TMEM245: variants seen among roughly 807,000 people sequenced by gnomAD.
TMEM245 encodes the protein protein CG-2.
TMEM245 carries 69 observed loss-of-function variants against 101.2 expected under a neutral mutation model. The ratio of observed to expected loss-of-function variants is 0.68; its 90% CI spans 0.56 to 0.83. TMEM245 has a LOEUF of 0.83. TMEM245 is among the 40% of genes least tolerant of loss of function. The pLI is 0.00. For missense variants in TMEM245, 1,075 were observed against 1,092.8 expected (o/e 0.98, Z 0.23); for synonymous variants, 537 against 449.8 (o/e 1.19, Z -2.45).
At chr9:109,065,240 G>A (rs933395401) in intron 9 of TMEM245, among the ~76,000 whole-genome samples, 2 of 152,208 alleles carry the variant, frequency 1.3e-5, no homozygotes, top group African/African-American at 4.8e-5. Flanking sequence ...ATCTGGGACA[G>A]GGTTCTCAAA....
At chr9:109,027,212 A>G (rs1263497973) in intron 17 of TMEM245, among the ~76,000 whole-genome samples, 1 of 152,116 alleles carries the variant, frequency 6.6e-6, no homozygotes, top group Non-Finnish European at 1.5e-5. Context: ...AGATGGGGGT[A>G]AACACAGGAC....
Position 109,038,048 on chromosome 9 carries a change from CAT to C in TMEM245, c.2191_2192del (p.Met731ValfsTer34). The C allele has an allele frequency of 6.2e-7, 1 of 1,612,710 alleles. No homozygotes were observed. Reference protein sequence around the residue: ...YGLYTWLTHTMFGINIVFIPS... With the variant: ...YGLYTWLTHTXFGINIVFIPS... ...GTATGAAGACAATATTGATGCCAAA[CAT>C]AGTATGAGTCAGCCAGGTATACAAT... On this transcript the variant is annotated frameshift_variant, in exon 15 of 18. Coordinates refer to ENST00000374586, the MANE Select transcript of TMEM245 (RefSeq NM_032012.4). LOFTEE classifies it high-confidence loss of function.
chr9:109,096,722 T>C (rs1830150455), intron 3 of TMEM245, among the ~76,000 whole-genome samples: 1 of 152,188 alleles, frequency 6.6e-6, no homozygotes, highest in Non-Finnish European at 1.5e-5. Flanking sequence ...GAATTCTCTC[T>C]TACATAAGAT....
chr9:109,062,128 C>T (rs1377351236), intron 10 of TMEM245, among the ~76,000 whole-genome samples: 1 of 152,104 alleles, frequency 6.6e-6, no homozygotes, highest in Admixed American at 6.6e-5. Context: ...CCTAAGACAG[C>T]CAAGTAGCTG....
chr9:109,055,623 C>A (rs557427938), intron 12 of TMEM245, among the ~76,000 whole-genome samples: 2 of 150,148 alleles, frequency 1.3e-5, no homozygotes, highest in Non-Finnish European at 1.5e-5. Context: ...ATTTCAATCA[C>A]GGTTTCTTTT....
At chr9:109,108,388 ACAGT>A (rs1466585366) in intron 2 of TMEM245, 61 bp downstream of exon 2, 7 of 819,054 alleles carry the variant, frequency 8.5e-6, no homozygotes, top group East Asian at 5.7e-5. Flanking sequence ...TTTCATTCAC[ACAGT>A]CAGCCTCTGC....
In TMEM245 at chr9:109,117,679, G is replaced by A. The variant is rs114118221; in HGVS notation, c.579+1656C>T. ...CTCATAATCATGCCAAATTACTTAG[G>A]TATTCAACTTCTTACTCTAGCATGA... On this transcript the variant is annotated intron_variant, in intron 1 of 17. Coordinates refer to ENST00000374586, the MANE Select transcript of TMEM245 (RefSeq NM_032012.4). Among the ~76,000 whole-genome samples, 607 of 152,276 alleles carry A rather than the reference G, an allele frequency of 4.0e-3. 7 individuals are homozygous for A. The highest frequency in any genetic ancestry group is 0.014 in the African/African-American group (576 of 41,550).
chr9:109,102,192 A>G (rs1478381971), intron 3 of TMEM245, among the ~76,000 whole-genome samples: 1 of 152,236 alleles, frequency 6.6e-6, no homozygotes, highest in Non-Finnish European at 1.5e-5. Context: ...ATAACCACAG[A>G]GTCTAACAGA....
intron 1 of TMEM245, among the ~76,000 whole-genome samples, chr9:109,114,569 C>CT (rs750362217): frequency 2.0e-5 from 3 of 152,184 alleles, no homozygotes; most frequent in Non-Finnish European, 2.9e-5. Context: ...GTGTTTTTAT[C>CT]TTTCAGCCAC....
At chr9:109,091,833 T>C (rs930807954) in intron 4 of TMEM245, among the ~76,000 whole-genome samples, 4 of 152,286 alleles carry the variant, frequency 2.6e-5, no homozygotes, top group Non-Finnish European at 5.9e-5. Context: ...AGATATACCA[T>C]ACACATCAGA....
At chr9:109,066,625 C>T (rs1348808834) in intron 9 of TMEM245, among the ~76,000 whole-genome samples, 1 of 151,922 alleles carries the variant, frequency 6.6e-6, no homozygotes, top group Non-Finnish European at 1.5e-5. Context: ...CTCTTTTATA[C>T]ATTCATCAGT....
Position 109,101,801 on chromosome 9 carries a change from G to A in TMEM245, c.799+4707C>T, listed in dbSNP as rs1308327342. Among the ~76,000 whole-genome samples, 7 of 152,284 alleles carry A rather than the reference G, an allele frequency of 4.6e-5. 1 individual carries two copies. The highest frequency in any genetic ancestry group is 4.6e-4 in the Admixed American group (7 of 15,292). Reference sequence around the variant, plus strand: ...CATCACTACTCTAAGTTTATGGCTAGTATTCATAATCGACCATGGTCTTCT... The same window carrying A: ...CATCACTACTCTAAGTTTATGGCTAATATTCATAATCGACCATGGTCTTCT... On this transcript the variant is annotated intron_variant, in intron 3 of 17. Transcript: ENST00000374586.
rs185701074 is a variant in TMEM245, at chr9:109,049,848, G to A, written c.2123+435C>T. On this transcript the variant is annotated intron_variant, in intron 14 of 17. Coordinates refer to ENST00000374586, the MANE Select transcript of TMEM245 (RefSeq NM_032012.4). ...CTTGCTCTGTCACCAAGGCTGGAGC[G>A]CAGTGGCGTGATCACAGCTCACTGT... Among the ~76,000 whole-genome samples the A allele has an allele frequency of 1.2e-3, 179 of 152,232 alleles. 1 individual carries two copies. The East Asian group carries it at 0.015, about 13-fold the overall frequency.
intron 11 of TMEM245, among the ~76,000 whole-genome samples, chr9:109,057,568 T>A (rs547717057): frequency 6.6e-6 from 1 of 152,048 alleles, no homozygotes; most frequent in African/African-American, 2.4e-5. Flanking sequence ...CTGACCAACA[T>A]GGTGAAACCC....
At chr9:109,112,156 A>G (rs1429951770) in intron 1 of TMEM245, among the ~76,000 whole-genome samples, 7 of 152,234 alleles carry the variant, frequency 4.6e-5, no homozygotes, top group Non-Finnish European at 1.5e-5. Flanking sequence ...ATTCTAATAC[A>G]AATTCAGAGC....
In TMEM245 at chr9:109,101,053, A is replaced by G. The variant is rs527566668; in HGVS notation, c.799+5455T>C. 2.0e-5 allele frequency among the ~76,000 whole-genome samples: 3 copies of G among 152,258 alleles called. No homozygotes were observed. In the East Asian group the frequency reaches 5.8e-4, roughly 29 times the overall value. On this transcript the variant is annotated intron_variant, in intron 3 of 17. Transcript: ENST00000374586. The stretch of plus-strand genomic sequence containing the variant: ...TGCTTGAGCCCAGGAGTTAAGCTGC[A>G]GTGAGCTATGGTCACACCACCACTG...
intron 1 of TMEM245, among the ~76,000 whole-genome samples, chr9:109,109,478 T>C (rs187450326): frequency 8.6e-5 from 13 of 151,460 alleles, no homozygotes; most frequent in Admixed American, 7.2e-4. Context: ...CTTCGAGCTA[T>C]ATAATTCAGA....
rs367904507 is a variant in TMEM245, at chr9:109,033,449, G to A, written c.2452C>T (p.Leu818=). The change falls in exon 17 of 18, where the codon CTA becomes TTA. Residue 818 remains leucine, a synonymous_variant. Coordinates refer to ENST00000374586, the MANE Select transcript of TMEM245 (RefSeq NM_032012.4). ...CCGATGATTGCTCCTTCCAGGCCTA[G>A]GTAGTATGCTCCACCGGCCACTGCC... ...GLAVAGGAYY[L]GLEGAIIGPI... is the part of the protein sequence containing the mutation. 143 of 1,613,588 alleles carry A rather than the reference G, an allele frequency of 8.9e-5. 1 individual carries two copies. The African/African-American group carries it at 1.7e-3, about 19-fold the overall frequency.
chr9:109,071,578 TG>T (rs373701524), intron 9 of TMEM245, among the ~76,000 whole-genome samples: 6 of 149,540 alleles, frequency 4.0e-5, no homozygotes, highest in African/African-American at 1.5e-4. Context: ...TAATCTAGCC[TG>T]GGTGACAGAG....
Sources: allele counts gnomAD v4.1 joint callset (sites outside exome capture counted in the v4.1 genomes callset), GRCh38; gene constraint gnomAD v4.1.1; transcripts MANE v1.5; gene names NCBI Gene and HGNC (gene_info 2026-07-23, HGNC 2026-07-21).